Variants in CELF2 observed in about 807,000 individuals in gnomAD.
The protein encoded by CELF2 is CUGBP Elav-like family member 2, also known as CUG triplet repeat RNA-binding protein 2.
In CELF2, 8 loss-of-function variants were observed where a neutral mutation model predicts 62.6. That is an observed-to-expected ratio of 0.13 (90% CI 0.07 to 0.23). CELF2 has a LOEUF of 0.23. Among genes scored for constraint, CELF2 ranks in the 10% least tolerant of loss-of-function variants. The pLI is 1.00. For missense variants in CELF2, 333 were observed against 671.0 expected (o/e 0.50, Z 5.56); for synonymous variants, 258 against 250.0 (o/e 1.03, Z -0.30).
upstream of CELF2, among the ~76,000 whole-genome samples, chr10:11,013,920 A>C (rs544763448): frequency 5.9e-5 from 9 of 152,346 alleles, no homozygotes; most frequent in South Asian, 1.9e-3. This position sits in a 1 kb window ranked among gnomAD's most constrained non-coding sequence, Gnocchi z 4.1. Flanking sequence ...TATTTTTGCA[A>C]GTTGCTAATG....
intron 8 of CELF2, among the ~76,000 whole-genome samples, chr10:11,281,299 C>G (rs1039605217): frequency 3.2e-4 from 48 of 152,208 alleles, no homozygotes; most frequent in African/African-American, 1.1e-3. Flanking sequence ...TGTCAGGGAC[C>G]TCTGCCTCAG....
At chr10:10,509,147 C>T in the CELF2 span, among the ~76,000 whole-genome samples, 1 of 152,190 alleles carries the variant, frequency 6.6e-6, no homozygotes, top group South Asian at 2.1e-4. Flanking sequence ...CATTGTTTTG[C>T]TTGCATGCTG....
chr10:10,494,439 G>A, the CELF2 span, among the ~76,000 whole-genome samples: 1 of 152,188 alleles, frequency 6.6e-6, no homozygotes, highest in Admixed American at 6.5e-5. Context: ...AAATAGCAGA[G>A]CGCATTACAA....
intron 1 of CELF2, among the ~76,000 whole-genome samples, chr10:10,857,651 A>ATG (rs781584142): frequency 7.5e-5 from 4 of 53,352 alleles, no homozygotes; most frequent in Admixed American, 6.0e-4. Context: ...TATATATAGT[A>ATG]TATATATATA....
chr10:10,921,441 G>T (rs2064901132), intron 2 of CELF2, among the ~76,000 whole-genome samples: 1 of 150,964 alleles, frequency 6.6e-6, no homozygotes, highest in Non-Finnish European at 1.5e-5. Context: ...GCTAACTTTT[G>T]TATTTTTAGT....
Position 11,170,272 on chromosome 10 carries a change from A to C in CELF2, c.271+4590A>C, listed in dbSNP as rs139243002. Among the ~76,000 whole-genome samples the C allele has an allele frequency of 4.7e-3, 720 of 152,342 alleles. 7 individuals are homozygous for C. The highest frequency in any genetic ancestry group is 0.014 in the African/African-American group (566 of 41,584). On this transcript the variant is annotated intron_variant, in intron 2 of 12. Coordinates refer to ENST00000633077, the MANE Select transcript of CELF2 (RefSeq NM_001326342.2). The stretch of plus-strand genomic sequence containing the variant: ...GGGGCATTCAGGAAGGAGTAACAAC[A>C]CAAAGTTTCAGAAATAGGAGACACT...
At chr10:10,507,833 C>T in the CELF2 span, among the ~76,000 whole-genome samples, 1 of 152,266 alleles carries the variant, frequency 6.6e-6, no homozygotes, top group East Asian at 1.9e-4. Context: ...AAAATTAGCA[C>T]ATTCTAAGTG....
the CELF2 span, among the ~76,000 whole-genome samples, chr10:10,530,883 C>A: frequency 6.6e-6 from 1 of 152,172 alleles, no homozygotes; most frequent in Middle Eastern, 3.4e-3. Context: ...TTTTTAATGC[C>A]GTGTCTTCAA....
intron 9 of CELF2, among the ~76,000 whole-genome samples, chr10:11,288,931 T>C (rs1253463428): frequency 1.3e-5 from 2 of 152,222 alleles, no homozygotes; most frequent in Non-Finnish European, 2.9e-5. Context: ...AGAATTCTGT[T>C]TCAAAATTCC....
At chr10:11,257,372 A>C (rs1362298835) in intron 4 of CELF2, among the ~76,000 whole-genome samples, 1 of 149,732 alleles carries the variant, frequency 6.7e-6, no homozygotes, top group Admixed American at 6.7e-5. Flanking sequence ...TAAAATCTGT[A>C]TCCAAAAATA....
In CELF2 at chr10:10,957,943, G is replaced by GT. The variant is rs1213238760; in HGVS notation, c.89+37947dup. On this transcript the variant is annotated intron_variant, in intron 2 of 13. Transcript: ENST00000636488. This position sits in a 1 kb window ranked among gnomAD's most constrained non-coding sequence, Gnocchi z 4.1. Reference sequence around the variant, plus strand: ...TTTTATGTCACCATTTTTGTTATGTGTTTCAGAGGAGCGCTATGACTTAAG... The same window carrying GT: ...TTTTATGTCACCATTTTTGTTATGTGTTTTCAGAGGAGCGCTATGACTTAAG... Among the ~76,000 whole-genome samples the GT allele has an allele frequency of 1.3e-5, 2 of 152,200 alleles. No homozygotes were observed. The highest frequency in any genetic ancestry group is 2.9e-5 in the Non-Finnish European group (2 of 68,040).
At chr10:10,713,860 C>A in the CELF2 span, among the ~76,000 whole-genome samples, 2 of 152,064 alleles carry the variant, frequency 1.3e-5, no homozygotes, top group East Asian at 1.9e-4. Flanking sequence ...CGTGGTGAAA[C>A]CCCATCTCTA....
At chr10:11,045,411 T>A (rs989386915) in intron 1 of CELF2, among the ~76,000 whole-genome samples, 11 of 152,190 alleles carry the variant, frequency 7.2e-5, no homozygotes, top group Non-Finnish European at 1.3e-4. Context: ...CCATTAACTT[T>A]ATACCTTAAC....
At chr10:10,575,746 T>C in the CELF2 span, among the ~76,000 whole-genome samples, 1 of 152,180 alleles carries the variant, frequency 6.6e-6, no homozygotes, top group Non-Finnish European at 1.5e-5. Flanking sequence ...AAGCTAGAAG[T>C]GTTACAAAGA....
At chr10:10,624,488 C>T in the CELF2 span, among the ~76,000 whole-genome samples, 7 of 152,164 alleles carry the variant, frequency 4.6e-5, no homozygotes, top group Admixed American at 2.0e-4. Context: ...ATCTAGCTCC[C>T]TTCATCTATT....
chr10:11,288,415 C>T lies in CELF2; in HGVS notation c.842-3C>T, dbSNP rs780389437. 4.3e-6 allele frequency: 7 copies of T among 1,613,916 alleles called. No homozygotes were observed. Among genetic ancestry groups the T allele is most frequent in the African/African-American group, 1.3e-5 (1 of 75,044 alleles). On this transcript the variant is annotated splice_region_variant and splice_polypyrimidine_tract_variant and intron_variant, in intron 8 of 12. Transcript: ENST00000633077. ...TGAAAGTAACTTTCTCTTCCCTCCA[C>T]AGGCATGAATGCTTTACAGTTGCAG...
At chr10:11,151,427 C>T (rs2063313993) in intron 1 of CELF2, among the ~76,000 whole-genome samples, 1 of 152,092 alleles carries the variant, frequency 6.6e-6, no homozygotes. Context: ...CTGTTGCCGA[C>T]AGTTTATGGA....
At chr10:11,201,173 G>T (rs2059135580) in intron 2 of CELF2, among the ~76,000 whole-genome samples, 1 of 152,200 alleles carries the variant, frequency 6.6e-6, no homozygotes, top group Non-Finnish European at 1.5e-5. Context: ...GAAGTGTGAG[G>T]CAGAGATAGC....
intron 3 of CELF2, among the ~76,000 whole-genome samples, chr10:11,228,589 A>G (rs7094165): frequency 0.11 from 16,930 of 152,108 alleles, 1,982 homozygotes; most frequent in African/African-American, 0.3. Context: ...TCTGACTTAC[A>G]ATTTACTAAT....
Sources: gnomAD v4.1 joint callset for allele counts (sites outside exome capture counted in the v4.1 genomes callset) on GRCh38, gnomAD v4.1.1 for gene constraint, Gnocchi (gnomAD v3.1) non-coding constraint, MANE v1.5 for transcripts, NCBI Gene and HGNC (gene_info 2026-07-23, HGNC 2026-07-21) for gene names.